The following CDC14A variants were observed in gnomAD, a reference collection of about 807,000 sequenced individuals.
CDC14A encodes the protein cell division cycle 14A, also known as dual specificity protein phosphatase CDC14A.
In CDC14A, 53 loss-of-function variants were observed where a neutral mutation model predicts 74.4. That is an observed-to-expected ratio of 0.71 (90% confidence interval 0.57 to 0.89). The LOEUF is 0.89. Ranked by LOEUF, CDC14A falls within the 40% of genes least tolerant of loss-of-function variation. The pLI is 0.00. For missense variants in CDC14A, 646 were observed against 713.7 expected, an observed-to-expected ratio of 0.91 and a Z score of 1.08; for synonymous variants, 247 against 258.4, an observed-to-expected ratio of 0.96 and a Z score of 0.43.
chr1:100,405,729 A>C (rs902757611), intron 4 of CDC14A, among the ~76,000 whole-genome samples: 5 of 152,200 alleles, frequency 3.3e-5, no homozygotes, highest in African/African-American at 1.2e-4. Context: ...TTATAGCTGC[A>C]TAGTATTCCA....
intron 3 of CDC14A, among the ~76,000 whole-genome samples, chr1:100,388,189 G>C (rs1657139814): frequency 1.3e-5 from 2 of 152,206 alleles, no homozygotes; most frequent in African/African-American, 4.8e-5. Flanking sequence ...AGCCTGGCCT[G>C]TGTAAGGCAG....
intron 4 of CDC14A, among the ~76,000 whole-genome samples, chr1:100,392,717 A>T (rs1248745154): frequency 6.6e-6 from 1 of 152,232 alleles, no homozygotes. Context: ...GAAAGTTTTG[A>T]ATAAAGATCC....
intron 2 of CDC14A, among the ~76,000 whole-genome samples, chr1:100,377,237 T>C (rs2100947526): frequency 6.6e-6 from 1 of 152,128 alleles, no homozygotes; most frequent in South Asian, 2.1e-4. Context: ...ATGGGGTTTC[T>C]CCATGTTGGT....
Position 100,484,394 on chromosome 1 carries a change from T to C in CDC14A, c.1080T>C (p.Asp360=). Reference sequence around the variant, plus strand: ...TTAATAAAATTCTTTCTGGCCTAGATGATATGTCTATTGGTGGAAATCTTT... The same window carrying C: ...TTAATAAAATTCTTTCTGGCCTAGACGATATGTCTATTGGTGGAAATCTTT... The part of the protein sequence containing the change: ...GSINKILSGL[D]DMSIGGNLSK... Residue 360 remains aspartate, a synonymous_variant, in exon 11 of 16, where the codon GAT becomes GAC. Coordinates refer to ENST00000336454, the MANE Select transcript of CDC14A (RefSeq NM_003672.4). The C allele has an allele frequency of 1.2e-6, 2 of 1,609,896 alleles. No individual in the cohort carries two copies. Among genetic ancestry groups the C allele is most frequent in the Non-Finnish European group, 1.7e-6 (2 of 1,177,972 alleles).
chr1:100,370,293 T>TC (rs1415994279), intron 2 of CDC14A, among the ~76,000 whole-genome samples: 1 of 151,988 alleles, frequency 6.6e-6, no homozygotes, highest in Non-Finnish European at 1.5e-5. Context: ...CTAAAGTTTT[T>TC]TTTTTTTTTG....
intron 10 of CDC14A, among the ~76,000 whole-genome samples, chr1:100,470,890 A>G (rs771333929): frequency 6.6e-6 from 1 of 152,166 alleles, no homozygotes; most frequent in Non-Finnish European, 1.5e-5. Context: ...ACGTTAATCT[A>G]TATTTAACTC....
intron 10 of CDC14A, among the ~76,000 whole-genome samples, chr1:100,468,962 G>A (rs1668122033): frequency 1.3e-5 from 2 of 151,408 alleles, no homozygotes; most frequent in Non-Finnish European, 2.9e-5. Flanking sequence ...GCCTCACTAT[G>A]TTGCCCAGGC....
At chr1:100,345,988 T>C (rs570141446) in intron 1 of CDC14A, among the ~76,000 whole-genome samples, 123 of 152,126 alleles carry the variant, frequency 8.1e-4, no homozygotes, top group African/African-American at 2.8e-3. Context: ...CTGGCCAACA[T>C]AGTGAAACCC....
intron 11 of CDC14A, 106 bp from the exon 12 acceptor site, chr1:100,494,712 C>G: frequency 1.8e-6 from 1 of 569,868 alleles, no homozygotes; most frequent in Non-Finnish European, 3.1e-6. Flanking sequence ...GTGACTTAAT[C>G]TATATTAAGA....
chr1:100,398,384 T>TCACTTAAATACTTCCTTGGCTCAGTAA (rs1369710647), intron 4 of CDC14A, among the ~76,000 whole-genome samples: 3 of 152,212 alleles, frequency 2.0e-5, no homozygotes, highest in African/African-American at 7.2e-5. Flanking sequence ...ATCATATTTT[T>TCACTTAAATACTTCCTTGGCTCAGTAA]CACTTAAATA....
At chr1:100,404,408 A>G (rs186331213) in intron 4 of CDC14A, among the ~76,000 whole-genome samples, 15 of 152,222 alleles carry the variant, frequency 9.9e-5, no homozygotes, top group Admixed American at 2.0e-4. Flanking sequence ...TCCTGTGCCT[A>G]TCTTCCCAAA....
chr1:100,436,745 GTCAGTTTAGTAT>G (rs1664390145), intron 5 of CDC14A, among the ~76,000 whole-genome samples: 1 of 151,990 alleles, frequency 6.6e-6, no homozygotes, highest in Non-Finnish European at 1.5e-5. Context: ...TTTTTTCATT[GTCAGTTTAGTAT>G]TCAGTTTTCT....
chr1:100,438,219 G>A (rs1362556635), intron 5 of CDC14A, among the ~76,000 whole-genome samples: 1 of 151,934 alleles, frequency 6.6e-6, no homozygotes. Flanking sequence ...AATTTGAAAA[G>A]TGCATTTTGG....
At chr1:100,398,330 A>G (rs1658813864) in intron 4 of CDC14A, among the ~76,000 whole-genome samples, 1 of 152,052 alleles carries the variant, frequency 6.6e-6, no homozygotes, top group Non-Finnish European at 1.5e-5. Flanking sequence ...TGATGATCGG[A>G]CAGCTACTTC....
At chr1:100,471,064 A>G (rs1325996614) in intron 10 of CDC14A, among the ~76,000 whole-genome samples, 2 of 152,190 alleles carry the variant, frequency 1.3e-5, no homozygotes, top group African/African-American at 2.4e-5. Flanking sequence ...ATATCATAAT[A>G]TGTTCATAAA....
At chr1:100,408,524 A>T (rs1571097126) in intron 4 of CDC14A, among the ~76,000 whole-genome samples, 1 of 152,338 alleles carries the variant, frequency 6.6e-6, no homozygotes, top group African/African-American at 2.4e-5. Context: ...ACTAATTTAC[A>T]CTGCCACTAA....
At position 100,462,825 on chromosome 1, in the gene CDC14A, G is replaced by A. The variant is rs190052443; in HGVS notation, c.782G>A (p.Arg261Gln). The A allele has an allele frequency of 4.7e-5, 76 of 1,614,000 alleles. No individual in the cohort carries two copies. Among genetic ancestry groups the A allele is most frequent in the Non-Finnish European group, 5.9e-5 (70 of 1,179,990 alleles). The change falls in exon 9 of 16, where the codon CGA (arginine) becomes CAA (glutamine). Residue 261 changes from arginine (R) to glutamine (Q), a missense_variant. Transcript: ENST00000336454. ...AGCACACCCAGTGACAACATCGTGCGAAGGTTCCTGAACATCTGTGAGAAC... is the reference window on the plus strand; with the variant it reads ...AGCACACCCAGTGACAACATCGTGCAAAGGTTCCTGAACATCTGTGAGAAC... Reference protein sequence around the residue: ...DGSTPSDNIVRRFLNICENTE... With the variant: ...DGSTPSDNIVQRFLNICENTE...
chr1:100,462,973 C>T, intron 9 of CDC14A, 92 bp downstream of exon 9: 1 of 865,500 alleles, frequency 1.2e-6, no homozygotes, highest in Non-Finnish European at 1.8e-6. Context: ...TGTTTAGTGT[C>T]TTAGAAAAAC....
intron 4 of CDC14A, among the ~76,000 whole-genome samples, chr1:100,401,812 G>A (rs1659294848): frequency 6.6e-6 from 1 of 152,078 alleles, no homozygotes; most frequent in African/African-American, 2.4e-5. Context: ...GCCAAGGTGG[G>A]CGGATCACCT....
Sources: allele counts gnomAD v4.1 joint callset (sites outside exome capture counted in the v4.1 genomes callset), GRCh38; gene constraint gnomAD v4.1.1; transcripts MANE v1.5; gene names NCBI Gene and HGNC (gene_info 2026-07-23, HGNC 2026-07-21).